The following ABAT variants were observed in gnomAD, a reference collection of about 807,000 sequenced individuals.
ABAT encodes 4-aminobutyrate aminotransferase, mitochondrial.
A neutral mutation model predicts 64.6 loss-of-function variants in ABAT; 45 were observed. The ratio of observed to expected loss-of-function variants is 0.70; its 90% confidence interval spans 0.55 to 0.89. The LOEUF (loss-of-function observed/expected upper bound fraction) is 0.89, where lower values mean the gene tolerates loss of function less well. Among genes scored for constraint, ABAT ranks in the 40% least tolerant of loss-of-function variants. The pLI, the probability that ABAT is intolerant of heterozygous loss-of-function variation, is 0.00. For synonymous variants in ABAT, 297 were observed against 250.5 expected (o/e 1.19, Z -1.75); for missense variants, 633 against 658.4 (o/e 0.96, Z 0.42).
In ABAT at chr16:8,738,008, G is replaced by C. The variant is rs1192784794; in HGVS notation, c.70+2199G>C. On this transcript the variant is annotated intron_variant, in intron 2 of 15. Coordinates refer to ENST00000268251, the MANE Select transcript of ABAT (RefSeq NM_020686.6). Reference sequence around the variant, plus strand: ...AGGAAGGAGGAAAGAAAGAAAGAAAGAAAGAAAGGAAAGAAAGAAAGAAGG... The same window carrying C: ...AGGAAGGAGGAAAGAAAGAAAGAAACAAAGAAAGGAAAGAAAGAAAGAAGG... Among the ~76,000 whole-genome samples the C allele has an allele frequency of 2.8e-4, 34 of 120,230 alleles. 5 individuals are homozygous for C. The highest frequency in any genetic ancestry group is 4.3e-4 in the Admixed American group (5 of 11,670). 78.9% of individuals were successfully genotyped at this position (120,230 alleles called of 152,430 possible).
At chr16:8,684,339 G>A (rs1016351441) in intron 1 of ABAT, among the ~76,000 whole-genome samples, 4 of 152,144 alleles carry the variant, frequency 2.6e-5, no homozygotes, top group African/African-American at 4.8e-5. Flanking sequence ...TTGAGAGGCC[G>A]AGGTGGGTGG....
chr16:8,766,230 G>T lies in ABAT; in HGVS notation c.563G>T (p.Gly188Val), dbSNP rs1344292755. 6.2e-7 allele frequency: 1 copy of T among 1,614,126 alleles called. No individual in the cohort carries two copies. Among genetic ancestry groups the T allele is most frequent in the African/African-American group, 1.3e-5 (1 of 75,042 alleles). ...WYRSKERGQR[G>V]FSQEELETCM... ...CAGAGCAAGGAAAGAGGGCAGAGGG[G>T]CTTCTCCCAGGAGGAGCTGGAGACG... The change falls in exon 9 of 16, where the codon GGC (glycine) becomes GTC (valine). Residue 188 changes from glycine to valine, a missense_variant. Transcript: ENST00000268251.
At chr16:8,772,494 C>G (rs1405531526) in intron 11 of ABAT, among the ~76,000 whole-genome samples, 1 of 152,188 alleles carries the variant, frequency 6.6e-6, no homozygotes, top group Non-Finnish European at 1.5e-5. Context: ...AAGGTGGATT[C>G]TGTCAGTGTG....
At chr16:8,753,897 T>C (rs1641016) in intron 5 of ABAT, among the ~76,000 whole-genome samples, 140,659 of 152,004 alleles carry the variant, frequency 0.93, 65,861 homozygotes, top group East Asian at 1. Context: ...AAGTCTCCCC[T>C]GGGTGATGCC....
chr16:8,683,590 G>C (rs1378894466), intron 1 of ABAT: 2 of 150,932 alleles, frequency 1.3e-5, no homozygotes, highest in Non-Finnish European at 2.9e-5. Context: ...GAAAAGAACT[G>C]AAATGCTGCT....
chr16:8,772,225 A>G (rs2060129051), intron 11 of ABAT, among the ~76,000 whole-genome samples: 1 of 145,550 alleles, frequency 6.9e-6, no homozygotes, highest in Non-Finnish European at 1.5e-5. Context: ...TATGTGTGCC[A>G]GACTCTGCTG....
chr16:8,778,322 G>T (rs916651008), intron 14 of ABAT, among the ~76,000 whole-genome samples: 3 of 152,152 alleles, frequency 2.0e-5, no homozygotes, highest in Admixed American at 2.0e-4. Context: ...TCGAGGCTCT[G>T]GGGGAGAATC....
intron 2 of ABAT, among the ~76,000 whole-genome samples, chr16:8,738,621 TG>T (rs141967943): frequency 0.087 from 11,672 of 134,472 alleles, 2,017 homozygotes; most frequent in African/African-American, 0.22. Flanking sequence ...TTTTTGTTTT[TG>T]TTTTTGTTTT....
intron 1 of ABAT, chr16:8,731,631 T>G (rs2058721580): frequency 6.7e-6 from 1 of 149,016 alleles, no homozygotes; most frequent in South Asian, 2.2e-4. Context: ...GGATCACTTT[T>G]CTTTTTTTTT....
intron 1 of ABAT, among the ~76,000 whole-genome samples, chr16:8,693,370 A>C (rs746103106): frequency 2.0e-5 from 3 of 151,758 alleles, no homozygotes; most frequent in Non-Finnish European, 2.9e-5. Context: ...TCTCCAAAAA[A>C]AATTCCAGTA....
chr16:8,760,429 T>A (rs2059763051), intron 6 of ABAT: 1 of 152,218 alleles, frequency 6.6e-6, no homozygotes, highest in Non-Finnish European at 1.5e-5. Context: ...TCACTTTAAA[T>A]AAACAGAGTT....
intron 6 of ABAT, among the ~76,000 whole-genome samples, chr16:8,763,109 A>C (rs1317248023): frequency 6.6e-6 from 1 of 151,514 alleles, no homozygotes; most frequent in Non-Finnish European, 1.5e-5. Context: ...TGTAACAAAA[A>C]AAAAAAAAAA....
At chr16:8,711,560 G>A (rs1048435785) in intron 1 of ABAT, among the ~76,000 whole-genome samples, 2 of 152,248 alleles carry the variant, frequency 1.3e-5, no homozygotes, top group Non-Finnish European at 2.9e-5. Context: ...TGATGACTGT[G>A]AGAACGTATT....
chr16:8,708,339 C>T (rs866204816), intron 1 of ABAT, among the ~76,000 whole-genome samples: 8 of 152,226 alleles, frequency 5.3e-5, no homozygotes, highest in East Asian at 1.9e-4. Context: ...CTCAAACTCC[C>T]GGGTTCAAAG....
intron 2 of ABAT, among the ~76,000 whole-genome samples, chr16:8,738,938 C>G (rs2059075291): frequency 6.6e-6 from 1 of 152,184 alleles, no homozygotes; most frequent in South Asian, 2.1e-4. Context: ...AGCCACTGCA[C>G]CTGGCCAAGG....
chr16:8,782,966 A>C lies in ABAT; in HGVS notation c.*1536A>C, dbSNP rs2060474447. The C allele has an allele frequency of 6.6e-6, 1 of 152,116 alleles. No individual in the cohort carries two copies. Among genetic ancestry groups the C allele is most frequent in the African/African-American group, 2.4e-5 (1 of 41,426 alleles). The allele number at this position is 152,116 out of a possible 1,614,324, so 9.4% of individuals were successfully genotyped here. A position where few individuals can be genotyped will look rare whatever the true frequency, so the allele number is the denominator to read the frequency against. ...TTTTTTAGCTTCCACTCTTCCGCAG[A>C]CTTGGTCATCGACCTATTTTTGTTG... On this transcript the variant is annotated 3_prime_UTR_variant, in exon 16 of 16. Transcript: ENST00000268251.
intron 14 of ABAT, among the ~76,000 whole-genome samples, chr16:8,778,175 A>G (rs1210968129): frequency 1.3e-5 from 2 of 152,210 alleles, no homozygotes; most frequent in Non-Finnish European, 2.9e-5. Context: ...AAGGTCCTCC[A>G]GACTAGGCAC....
chr16:8,738,610 G>GTT (rs1481834240), intron 2 of ABAT, among the ~76,000 whole-genome samples: 2 of 122,052 alleles, frequency 1.6e-5, no homozygotes, highest in African/African-American at 7.3e-5. Context: ...TTTTGTTTTT[G>GTT]TTTTTGTTTT....
rs1381065711 is a variant in ABAT, at chr16:8,748,037, C to G, written c.169-71C>G. ...AAAAAAATGCCAAGACTTGGGAAAA[C>G]ATGAAAGATTTTAAGCTATTTTGGC... On this transcript the variant is annotated intron_variant, in intron 3 of 15. Coordinates refer to ENST00000268251, the MANE Select transcript of ABAT (RefSeq NM_020686.6). 8.2e-6 allele frequency: 12 copies of G among 1,466,734 alleles called. No homozygotes were observed. In the East Asian group the frequency reaches 2.5e-4, roughly 31 times the overall value. 90.9% of individuals were successfully genotyped at this position (1,466,734 alleles called of 1,614,324 possible).
Sources: gnomAD v4.1 joint callset for allele counts (sites outside exome capture counted in the v4.1 genomes callset) on GRCh38, gnomAD v4.1.1 for gene constraint, MANE v1.5 for transcripts, NCBI Gene and HGNC (gene_info 2026-07-23, HGNC 2026-07-21) for gene names.